SNTG1: variants seen among roughly 807,000 people sequenced by gnomAD.
SNTG1 encodes gamma-1-syntrophin.
A neutral mutation model predicts 74.7 loss-of-function variants in SNTG1; 39 were observed. The observed-to-expected ratio is 0.52, with a 90% CI of 0.40 to 0.68. The LOEUF (loss-of-function observed/expected upper bound fraction) is 0.68. Among genes scored for constraint, SNTG1 ranks in the 30% least tolerant of loss-of-function variants. The pLI, the probability that SNTG1 is intolerant of heterozygous loss-of-function variation, is 0.00. For synonymous variants in SNTG1, 254 were observed against 217.1 expected (o/e 1.17, Z -1.49); for missense variants, 685 against 609.5 (o/e 1.12, Z -1.30).
intron 11 of SNTG1, among the ~76,000 whole-genome samples, chr8:50,546,859 G>A (rs544365441): frequency 1.3e-5 from 2 of 152,234 alleles, no homozygotes; most frequent in South Asian, 2.1e-4. Context: ...TCGGCTCACT[G>A]CAACCTCTGC....
chr8:49,969,385 A>ATATTTTTTTTTTTTTTTT lies in SNTG1; in HGVS notation c.-103+57155_-103+57156insATTTTTTTTTTTTTTTTT, dbSNP rs1811434626. Among the ~76,000 whole-genome samples, 10 of 116,628 alleles carry ATATTTTTTTTTTTTTTTT rather than the reference A, an allele frequency of 8.6e-5. 3 individuals are homozygous for ATATTTTTTTTTTTTTTTT. Among genetic ancestry groups the ATATTTTTTTTTTTTTTTT allele is most frequent in the African/African-American group, 6.6e-5 (2 of 30,076 alleles). 76.5% of individuals were successfully genotyped at this position (116,628 alleles called of 152,430 possible). On this transcript the variant is annotated intron_variant, in intron 1 of 18. Transcript: ENST00000642720. Reference sequence around the variant, plus strand: ...GCAAATACACATTTTAATTCATTTAATCTTTTTTTTTTTTTTTTTTTTTTT... The same window carrying ATATTTTTTTTTTTTTTTT: ...GCAAATACACATTTTAATTCATTTAATATTTTTTTTTTTTTTTTTCTTTTTTTTTTTTTTTTTTTTTTT...
chr8:50,022,262 A>G (rs1430837740), intron 1 of SNTG1, among the ~76,000 whole-genome samples: 1 of 152,174 alleles, frequency 6.6e-6, no homozygotes, highest in African/African-American at 2.4e-5. Context: ...TGAGATAATA[A>G]TGCCTATAAA....
At chr8:50,145,697 G>A (rs2081837214) in intron 1 of SNTG1, among the ~76,000 whole-genome samples, 1 of 151,998 alleles carries the variant, frequency 6.6e-6, no homozygotes, top group African/African-American at 2.4e-5. Flanking sequence ...CAAAGTTTAG[G>A]GAAAGCAGAA....
intron 17 of SNTG1, among the ~76,000 whole-genome samples, chr8:50,747,402 G>A (rs185709741): frequency 2.0e-5 from 3 of 149,726 alleles, no homozygotes; most frequent in Non-Finnish European, 4.4e-5. Flanking sequence ...AACTAAGGGT[G>A]CCTCAGAAAT....
chr8:50,551,010 G>A (rs934113076), intron 11 of SNTG1, among the ~76,000 whole-genome samples: 8 of 151,978 alleles, frequency 5.3e-5, no homozygotes, highest in Non-Finnish European at 1.2e-4. Context: ...ATTATACATA[G>A]AACTTCATCC....
At chr8:50,770,854 C>A (rs2095625299) in intron 18 of SNTG1, among the ~76,000 whole-genome samples, 1 of 152,084 alleles carries the variant, frequency 6.6e-6, no homozygotes, top group South Asian at 2.1e-4. Context: ...CTTCCTCTCT[C>A]ACCATGTGGT....
At chr8:50,620,257 C>T (rs2094913120) in intron 13 of SNTG1, among the ~76,000 whole-genome samples, 1 of 152,100 alleles carries the variant, frequency 6.6e-6, no homozygotes, top group South Asian at 2.1e-4. Flanking sequence ...AAACTAGTGA[C>T]GTGGGGTGAG....
At chr8:50,740,633 T>G (rs1262843636) in intron 17 of SNTG1, among the ~76,000 whole-genome samples, 1 of 151,804 alleles carries the variant, frequency 6.6e-6, no homozygotes, top group African/African-American at 2.4e-5. Context: ...TCAATCCCAT[T>G]ACTGAGTATA....
chr8:50,087,800 C>G (rs1300859238), intron 1 of SNTG1, among the ~76,000 whole-genome samples: 3 of 151,300 alleles, frequency 2.0e-5, no homozygotes, highest in African/African-American at 7.3e-5. Context: ...TTTTATTATA[C>G]TTTAAGTTTT....
rs138491555 is a variant in SNTG1, at chr8:50,551,592, A to G, written c.681-1458A>G. ...CTATGGATGGTTAAACTTCTGTCTG[A>G]ATACTTTAAACATCATACTTGCCAT... On this transcript the variant is annotated intron_variant, in intron 11 of 18. Transcript: ENST00000642720. 3.3e-3 allele frequency among the ~76,000 whole-genome samples: 495 copies of G among 152,302 alleles called. 3 individuals are homozygous for G. The highest frequency in any genetic ancestry group is 0.011 in the African/African-American group (462 of 41,574).
At chr8:49,964,712 AT>A (rs1434402078) in intron 1 of SNTG1, among the ~76,000 whole-genome samples, 1 of 151,978 alleles carries the variant, frequency 6.6e-6, no homozygotes, top group African/African-American at 2.4e-5. Context: ...CCCTTTTCTC[AT>A]TTCTACATTT....
At chr8:50,529,715 A>G (rs117228755) in intron 9 of SNTG1, among the ~76,000 whole-genome samples, 7,740 of 151,884 alleles carry the variant, frequency 0.051, 311 homozygotes, top group South Asian at 0.18. Context: ...CTTGGATACT[A>G]ACAAAGAGTA....
intron 1 of SNTG1, among the ~76,000 whole-genome samples, chr8:50,141,697 G>C (rs2081663276): frequency 6.6e-6 from 1 of 152,002 alleles, no homozygotes; most frequent in Non-Finnish European, 1.5e-5. Context: ...TCTTAATTTA[G>C]TGGAGGGTGA....
At position 49,913,027 on chromosome 8, in the gene SNTG1, T is replaced by C. The variant is rs573367544; in HGVS notation, c.-103+796T>C. Among the ~76,000 whole-genome samples the C allele has an allele frequency of 7.9e-5, 12 of 152,364 alleles. No individual in the cohort carries two copies. The South Asian group carries it at 2.3e-3, about 29-fold the overall frequency. ...TAAATCTGTTTTCTGTTGATTCTTATTTCTAGTTTTCCCCTGGAGCTTTAA... is the reference window on the plus strand; with the variant it reads ...TAAATCTGTTTTCTGTTGATTCTTACTTCTAGTTTTCCCCTGGAGCTTTAA... On this transcript the variant is annotated intron_variant, in intron 1 of 18. Coordinates refer to ENST00000642720, the MANE Select transcript of SNTG1 (RefSeq NM_018967.5).
chr8:50,454,947 G>A (rs992904983), intron 8 of SNTG1, among the ~76,000 whole-genome samples: 6 of 150,588 alleles, frequency 4.0e-5, no homozygotes, highest in African/African-American at 1.5e-4. Context: ...ATAAATAACT[G>A]TATATCGCTG....
At chr8:50,144,917 A>G (rs563147057) in intron 1 of SNTG1, among the ~76,000 whole-genome samples, 26 of 152,316 alleles carry the variant, frequency 1.7e-4, no homozygotes, top group Non-Finnish European at 2.6e-4. Flanking sequence ...AGTCTTGGTA[A>G]TCTTGAATAA....
intron 15 of SNTG1, among the ~76,000 whole-genome samples, chr8:50,690,554 G>A (rs1398100059): frequency 1.3e-5 from 2 of 152,092 alleles, no homozygotes; most frequent in African/African-American, 4.8e-5. Context: ...GTAGTTGTGT[G>A]GTTTTGAGTG....
At chr8:50,486,127 T>A (rs958395065) in intron 8 of SNTG1, among the ~76,000 whole-genome samples, 19 of 152,336 alleles carry the variant, frequency 1.2e-4, no homozygotes, top group African/African-American at 4.6e-4. Flanking sequence ...GACTTGGCGA[T>A]GCAGGCTCTT....
chr8:50,262,360 A>G lies in SNTG1; in HGVS notation c.-28+89725A>G, dbSNP rs371565377. Among the ~76,000 whole-genome samples the G allele has an allele frequency of 3.9e-5, 6 of 152,220 alleles. No homozygotes were observed. In the East Asian group the frequency reaches 1.2e-3, roughly 29 times the overall value. Reference sequence around the variant, plus strand: ...TTAAAATTAGAACAAAAATCAATACAATTATAAACAGTAAATCAAGAGAAA... The same window carrying G: ...TTAAAATTAGAACAAAAATCAATACGATTATAAACAGTAAATCAAGAGAAA... On this transcript the variant is annotated intron_variant, in intron 2 of 18. Coordinates refer to ENST00000642720, the MANE Select transcript of SNTG1 (RefSeq NM_018967.5).
Sources: allele counts gnomAD v4.1 joint callset (sites outside exome capture counted in the v4.1 genomes callset), GRCh38; gene constraint gnomAD v4.1.1; transcripts MANE v1.5; gene names NCBI Gene and HGNC (gene_info 2026-07-23, HGNC 2026-07-21).